CD163L1: variants seen among roughly 807,000 people sequenced by gnomAD.
CD163L1 encodes the protein CD163 molecule like 1.
Under a neutral mutation model 165.4 loss-of-function variants are expected in CD163L1, and 124 were observed. That is an observed-to-expected ratio of 0.75 (90% CI 0.65 to 0.87). The LOEUF (loss-of-function observed/expected upper bound fraction) is 0.87, where lower values mean the gene tolerates loss of function less well. Ranked by LOEUF, CD163L1 falls within the 40% of genes least tolerant of loss-of-function variation. The pLI is 0.00. For synonymous variants in CD163L1, 585 were observed against 662.2 expected, an observed-to-expected ratio of 0.88 and a Z score of 1.79; for missense variants, 1,525 against 1,799.9, an observed-to-expected ratio of 0.85 and a Z score of 2.76.
intron 18 of CD163L1, among the ~76,000 whole-genome samples, chr12:7,363,788 AAG>A (rs1228637411): frequency 5.2e-5 from 1 of 19,318 alleles, no homozygotes; most frequent in Non-Finnish European, 1.4e-4. Flanking sequence ...TAATAATAAT[AAG>A]AAAAAAAAAA....
chr12:7,434,352 C>G (rs769416891), intron 2 of CD163L1, among the ~76,000 whole-genome samples: 4 of 152,110 alleles, frequency 2.6e-5, no homozygotes, highest in Admixed American at 6.6e-5. Context: ...CCATTGGCTA[C>G]TCATATTCCC....
intron 4 of CD163L1, among the ~76,000 whole-genome samples, chr12:7,416,830 ATAGTT>A (rs1352825826): frequency 6.6e-6 from 1 of 151,922 alleles, no homozygotes; most frequent in East Asian, 1.9e-4. Flanking sequence ...GCCTTGAGGT[ATAGTT>A]TAAAGTCAGA....
At chr12:7,405,108 A>G (rs1488419415) in intron 5 of CD163L1, among the ~76,000 whole-genome samples, 1 of 152,180 alleles carries the variant, frequency 6.6e-6, no homozygotes, top group African/African-American at 2.4e-5. Context: ...CATCTGCATC[A>G]TTCTTCATGG....
chr12:7,379,373 C>T lies in CD163L1; in HGVS notation c.2051-75G>A, dbSNP rs192120181. On this transcript the variant is annotated intron_variant, in intron 8 of 19. Coordinates refer to ENST00000313599, the MANE Select transcript of CD163L1 (RefSeq NM_174941.6). ...TTAAAGATTCTTATCCATTCCTGTA[C>T]ACTAACATAGACCAGTGGCCAAAAG... 1,198 of 1,475,092 alleles carry T rather than the reference C, an allele frequency of 8.1e-4. 11 individuals are homozygous for T. Among genetic ancestry groups the T allele is most frequent in the African/African-American group, 5.8e-3 (415 of 71,772 alleles). 91.4% of individuals were successfully genotyped at this position (1,475,092 alleles called of 1,614,324 possible).
chr12:7,344,143 T>A (rs907430577), downstream of CD163L1, among the ~76,000 whole-genome samples: 2 of 151,110 alleles, frequency 1.3e-5, no homozygotes. Flanking sequence ...GTGCAGTGGG[T>A]TATCGTGGCT....
Position 7,393,467 on chromosome 12 carries a change from T to C in CD163L1, c.2050+2628A>G, listed in dbSNP as rs1008942995. ...TATGACAAACCCACAGCCAATATCATACTGAATGGGCAAAAGCTGGAAGAA... is the reference window on the plus strand; with the variant it reads ...TATGACAAACCCACAGCCAATATCACACTGAATGGGCAAAAGCTGGAAGAA... On this transcript the variant is annotated intron_variant, in intron 8 of 19. Coordinates refer to ENST00000313599, the MANE Select transcript of CD163L1 (RefSeq NM_174941.6). Among the ~76,000 whole-genome samples, 3 of 152,198 alleles carry C rather than the reference T, an allele frequency of 2.0e-5. No homozygotes were observed. In the East Asian group the frequency reaches 5.8e-4, roughly 29 times the overall value.
chr12:7,382,026 A>G (rs147642152), intron 8 of CD163L1, among the ~76,000 whole-genome samples: 158 of 148,048 alleles, frequency 1.1e-3, no homozygotes, highest in African/African-American at 3.7e-3. Flanking sequence ...GGTTTTATAT[A>G]GAATTGTTTA....
intron 4 of CD163L1, among the ~76,000 whole-genome samples, chr12:7,428,046 T>G (rs1258353635): frequency 1.3e-5 from 2 of 152,120 alleles, no homozygotes; most frequent in African/African-American, 2.4e-5. Flanking sequence ...TAGTAACAGA[T>G]AAATCCTGCT....
chr12:7,366,303 G>A (rs1947020291), intron 18 of CD163L1, among the ~76,000 whole-genome samples: 1 of 151,962 alleles, frequency 6.6e-6, no homozygotes, highest in Non-Finnish European at 1.5e-5. Context: ...ACAATTGTAA[G>A]AAATAAAACC....
At position 7,375,845 on chromosome 12, in the gene CD163L1, T is replaced by C. The variant is rs1461387587; in HGVS notation, c.2541A>G (p.Gly847=). The C allele has an allele frequency of 3.7e-6, 6 of 1,614,174 alleles. No homozygotes were observed. Among genetic ancestry groups the C allele is most frequent in the Admixed American group, 3.3e-5 (2 of 60,032 alleles). The change falls in exon 10 of 20, where the codon GGA becomes GGG. Residue 847 remains glycine (G), a synonymous_variant. Coordinates refer to ENST00000313599, the MANE Select transcript of CD163L1 (RefSeq NM_174941.6). ...GACCATTCCCTTTTCCAAAGTGATC[T>C]CCCACAGAAAGAGATATGGCATCTC... ...NCGDAISLSV[G]DHFGKGNGLT... is the part of the protein sequence containing the mutation.
intron 2 of CD163L1, among the ~76,000 whole-genome samples, chr12:7,436,523 A>G (rs1404068794): frequency 6.6e-6 from 1 of 152,178 alleles, no homozygotes; most frequent in African/African-American, 2.4e-5. Flanking sequence ...TGTAATTTCA[A>G]CACTTTGAAA....
chr12:7,421,735 A>G (rs949424558), intron 4 of CD163L1, among the ~76,000 whole-genome samples: 24 of 81,938 alleles, frequency 2.9e-4, no homozygotes, highest in South Asian at 1.0e-3. Context: ...ATATGTATAT[A>G]TGTGTGTGTG....
At chr12:7,380,793 A>C (rs12305524) in intron 8 of CD163L1, among the ~76,000 whole-genome samples, 7 of 152,152 alleles carry the variant, frequency 4.6e-5, no homozygotes, top group African/African-American at 1.7e-4. Context: ...AAAACTTTTT[A>C]AAAAAGAGGA....
chr12:7,425,840 G>A (rs919073824), intron 4 of CD163L1, among the ~76,000 whole-genome samples: 1 of 149,960 alleles, frequency 6.7e-6, no homozygotes, highest in African/African-American at 2.4e-5. Context: ...TGCTGGCGAG[G>A]ATGTGGAGAT....
chr12:7,391,220 A>G (rs1947647201), intron 8 of CD163L1, among the ~76,000 whole-genome samples: 1 of 152,188 alleles, frequency 6.6e-6, no homozygotes, highest in African/African-American at 2.4e-5. Flanking sequence ...GTAGGTCACC[A>G]ACATCGAAGA....
intron 4 of CD163L1, among the ~76,000 whole-genome samples, chr12:7,411,601 CCTTCTGCCATGA>C (rs1948139298): frequency 6.6e-6 from 1 of 152,224 alleles, no homozygotes; most frequent in Non-Finnish European, 1.5e-5. Flanking sequence ...TTCCCCTTGG[CCTTCTGCCATGA>C]TTGTAAGGTT....
rs773311958 is a variant in CD163L1, at chr12:7,368,071, C to T, written c.4183+16G>A. On this transcript the variant is annotated intron_variant, in intron 17 of 19. Coordinates refer to ENST00000313599, the MANE Select transcript of CD163L1 (RefSeq NM_174941.6). This position sits in a 1 kb window ranked among gnomAD's most constrained non-coding sequence, Gnocchi z 4.3. ...CAGGTAACTCACATTTTATACAATC[C>T]TAGTGGGGCTCTCACCTCTGAGGGG... The T allele has an allele frequency of 4.8e-6, 7 of 1,453,062 alleles. No individual in the cohort carries two copies. Among genetic ancestry groups the T allele is most frequent in the South Asian group, 1.1e-5 (1 of 87,764 alleles). 90.0% of individuals were successfully genotyped at this position (1,453,062 alleles called of 1,614,324 possible). A position where few individuals can be genotyped will look rare whatever the true frequency, so the allele number is the denominator to read the frequency against.
chr12:7,414,070 A>G (rs1360255071), intron 4 of CD163L1, among the ~76,000 whole-genome samples: 2 of 152,310 alleles, frequency 1.3e-5, no homozygotes, highest in East Asian at 3.9e-4. Flanking sequence ...TGAATGAAGG[A>G]AATATGGCAC....
the CD163L1 span, among the ~76,000 whole-genome samples, chr12:7,333,109 G>A: frequency 6.6e-6 from 1 of 152,036 alleles, no homozygotes. Flanking sequence ...AAGATACCCA[G>A]GAATTGAACT....
Sources: gnomAD v4.1 joint callset for allele counts (sites outside exome capture counted in the v4.1 genomes callset) on GRCh38, gnomAD v4.1.1 for gene constraint, Gnocchi (gnomAD v3.1) non-coding constraint, MANE v1.5 for transcripts, NCBI Gene and HGNC (gene_info 2026-07-23, HGNC 2026-07-21) for gene names.